ATAD2B: variants seen among roughly 807,000 people sequenced by gnomAD.
The protein encoded by ATAD2B is ATPase family AAA domain-containing protein 2B.
In ATAD2B, 40 loss-of-function variants were observed where a neutral mutation model predicts 167.6. The observed-to-expected ratio is 0.24, with a 90% CI of 0.19 to 0.31. The LOEUF (loss-of-function observed/expected upper bound fraction) is 0.31, where lower values mean the gene tolerates loss of function less well. ATAD2B is among the 10% of genes least tolerant of loss of function. The probability of loss-of-function intolerance (pLI) is 1.00; values close to 1 mark genes in which losing one functional copy is unlikely to be tolerated. For missense variants in ATAD2B, 1,242 were observed against 1,757.2 expected, an observed-to-expected ratio of 0.71 and a Z score of 5.24; for synonymous variants, 579 against 596.5, an observed-to-expected ratio of 0.97 and a Z score of 0.43.
the ATAD2B span, chr2:23,695,832 G>T: frequency 1.9e-6 from 3 of 1,544,238 alleles, no homozygotes; most frequent in South Asian, 3.6e-5. The surrounding 1 kb of genome is among the most constrained non-coding windows in gnomAD (Gnocchi z 7.6). Flanking sequence ...GTATGAAGGG[G>T]CACGCCCCGA....
chr2:23,768,445 C>T (rs982144156), intron 22 of ATAD2B, among the ~76,000 whole-genome samples: 1 of 152,014 alleles, frequency 6.6e-6, no homozygotes, highest in African/African-American at 2.4e-5. Flanking sequence ...GTGGTGCATG[C>T]CTGTGGTCCC....
At chr2:23,722,729 A>C in the ATAD2B span, among the ~76,000 whole-genome samples, 1 of 152,172 alleles carries the variant, frequency 6.6e-6, no homozygotes, top group African/African-American at 2.4e-5. Context: ...AAGCTCAAAG[A>C]ACCTCAAACA....
chr2:23,842,542 T>A (rs1384398904), intron 13 of ATAD2B, among the ~76,000 whole-genome samples: 2 of 152,152 alleles, frequency 1.3e-5, no homozygotes, highest in African/African-American at 4.8e-5. Flanking sequence ...TAAGTTTCCT[T>A]CTCTCTAGCT....
chr2:23,715,744 G>A, the ATAD2B span, among the ~76,000 whole-genome samples: 18 of 152,270 alleles, frequency 1.2e-4, no homozygotes, highest in East Asian at 3.5e-3. Context: ...AAACACTGTG[G>A]AAATTAGTGT....
the ATAD2B span, among the ~76,000 whole-genome samples, chr2:23,723,335 G>T: frequency 7.1e-6 from 1 of 141,354 alleles, no homozygotes; most frequent in African/African-American, 2.6e-5. Flanking sequence ...AGAAGAAAAG[G>T]AAGGAAAGGA....
intron 22 of ATAD2B, among the ~76,000 whole-genome samples, chr2:23,782,008 G>T (rs1426898948): frequency 2.6e-5 from 4 of 152,022 alleles, no homozygotes. Flanking sequence ...TAGAGGCGAG[G>T]TTTTGCCATG....
intron 1 of ATAD2B, among the ~76,000 whole-genome samples, chr2:23,920,955 A>G (rs984214316): frequency 6.6e-6 from 1 of 152,176 alleles, no homozygotes; most frequent in Non-Finnish European, 1.5e-5. Flanking sequence ...CTGTAACCTC[A>G]GCACTTTGGG....
intron 1 of ATAD2B, among the ~76,000 whole-genome samples, chr2:23,924,209 A>T (rs1704384458): frequency 6.6e-6 from 1 of 152,210 alleles, no homozygotes; most frequent in Non-Finnish European, 1.5e-5. Flanking sequence ...CAAACATGGC[A>T]CAAAAGCAGA....
intron 1 of ATAD2B, among the ~76,000 whole-genome samples, chr2:23,914,656 A>T (rs1384510689): frequency 6.6e-6 from 1 of 151,758 alleles, no homozygotes; most frequent in Non-Finnish European, 1.5e-5. Context: ...TGGCTAACAC[A>T]GCGAAACCCC....
In ATAD2B at chr2:23,760,751, TACAC is replaced by T. The variant is rs202241182; in HGVS notation, c.3394+1454_3394+1457del. On this transcript the variant is annotated intron_variant, in intron 24 of 27. Transcript: ENST00000238789. ...ACACATATACACACACACACACACATACACACACACACACACACACCACTTCCTT... is the reference window on the plus strand; with the variant it reads ...ACACATATACACACACACACACACATACACACACACACACACCACTTCCTT... 5.1e-3 allele frequency among the ~76,000 whole-genome samples: 514 copies of T among 100,394 alleles called. 6 individuals are homozygous for T. Among genetic ancestry groups the T allele is most frequent in the African/African-American group, 0.017 (497 of 29,346 alleles). The allele number at this position is 100,394 out of a possible 152,430, so 65.9% of individuals were successfully genotyped here. A position where few individuals can be genotyped will look rare whatever the true frequency, so the allele number is the denominator to read the frequency against.
intron 27 of ATAD2B, 66 bp downstream of exon 27, chr2:23,754,113 T>C (rs1572624277): frequency 7.4e-6 from 10 of 1,345,530 alleles, no homozygotes; most frequent in Admixed American, 7.0e-5. Flanking sequence ...TAACTTTTTT[T>C]CCTCTTTTCT....
In ATAD2B at chr2:23,926,622, G is replaced by C; in HGVS notation, c.149C>G (p.Ala50Gly). ...GGCTTTGGCGGCGGGGCAGCTGGCG[G>C]CGCGGGTCTTGGAGGAGCGGGTCCG... is the stretch of plus-strand genomic sequence containing the variant. ...SSRTRSSKTRAASCPAAKAGG... is the reference protein window; with the variant it reads ...SSRTRSSKTRGASCPAAKAGG... Residue 50 changes from alanine (A) to glycine (G), a missense_variant, in exon 1 of 28, where the codon GCC becomes GGC. By Grantham distance (60) the Ala-to-Gly change is moderately conservative. Transcript: ENST00000238789. 1.3e-6 allele frequency: 2 copies of C among 1,564,318 alleles called. No homozygotes were observed. Among genetic ancestry groups the C allele is most frequent in the Non-Finnish European group, 1.7e-6 (2 of 1,155,858 alleles).
At chr2:23,876,579 C>T (rs1307877903) in intron 7 of ATAD2B, among the ~76,000 whole-genome samples, 5 of 152,138 alleles carry the variant, frequency 3.3e-5, no homozygotes, top group African/African-American at 1.2e-4. Flanking sequence ...GGATTACAGG[C>T]GTGAGCCACT....
At chr2:23,734,637 C>T in the ATAD2B span, among the ~76,000 whole-genome samples, 2 of 152,112 alleles carry the variant, frequency 1.3e-5, no homozygotes, top group Non-Finnish European at 2.9e-5. Context: ...GGAGGTGCTA[C>T]ATGCTTTTAA....
At chr2:23,741,758 G>C in the ATAD2B span, among the ~76,000 whole-genome samples, 4 of 152,154 alleles carry the variant, frequency 2.6e-5, no homozygotes, top group African/African-American at 9.7e-5. Flanking sequence ...CCATCAGAGT[G>C]AACAGGCAAC....
intron 13 of ATAD2B, chr2:23,856,188 C>CAAAAAAAA (rs571662550): frequency 1.4e-5 from 1 of 73,352 alleles, no homozygotes. Flanking sequence ...GACTCCATCT[C>CAAAAAAAA]AAAAAAAAAA....
rs544762653 is a variant in ATAD2B at position 23,788,970 on chromosome 2, GA to G, written c.2641-324del. On this transcript the variant is annotated intron_variant, in intron 19 of 27. Coordinates refer to ENST00000238789, the MANE Select transcript of ATAD2B (RefSeq NM_017552.4). ...CTCAAAGGCTTTTACATTAAGAGGG[GA>G]AAAGTAATTACTTCGAATCTATAAT... Among the ~76,000 whole-genome samples, 36 of 152,152 alleles carry G rather than the reference GA, an allele frequency of 2.4e-4. No homozygotes were observed. In the East Asian group the frequency reaches 7.0e-3, roughly 29 times the overall value.
At chr2:23,764,494 T>C (rs945740198) in intron 23 of ATAD2B, among the ~76,000 whole-genome samples, 12 of 152,198 alleles carry the variant, frequency 7.9e-5, no homozygotes, top group Non-Finnish European at 1.5e-4. Flanking sequence ...CTCCTTAGCA[T>C]GGCATTGATT....
rs144844841 is a variant in ATAD2B, at chr2:23,919,585, G to A, written c.216+6970C>T. ...GGGCCGGGTGCAGTGGCTCACACCTGTAATCCCAGCACTTTGAGAGGCCGA... is the reference window on the plus strand; with the variant it reads ...GGGCCGGGTGCAGTGGCTCACACCTATAATCCCAGCACTTTGAGAGGCCGA... On this transcript the variant is annotated intron_variant, in intron 1 of 27. Transcript: ENST00000238789. 5.5e-3 allele frequency among the ~76,000 whole-genome samples: 844 copies of A among 152,176 alleles called. 36 individuals are homozygous for A. The highest frequency in any genetic ancestry group is 0.045 in the Admixed American group (681 of 15,274).
Sources: allele counts gnomAD v4.1 joint callset (sites outside exome capture counted in the v4.1 genomes callset), GRCh38; gene constraint gnomAD v4.1.1; non-coding constraint Gnocchi (gnomAD v3.1); transcripts MANE v1.5; gene names NCBI Gene and HGNC (gene_info 2026-07-23, HGNC 2026-07-21).